The following AHCTF1 variants were observed in gnomAD, a reference collection of about 807,000 sequenced individuals.
The protein encoded by AHCTF1 is protein ELYS.
Under a neutral mutation model 248.4 loss-of-function variants are expected in AHCTF1, and 24 were observed. The ratio of observed to expected loss-of-function variants is 0.10; its 90% CI spans 0.07 to 0.14. The LOEUF is 0.14. AHCTF1 is among the 10% of genes least tolerant of loss of function. The pLI is 1.00. For synonymous variants in AHCTF1, 786 were observed against 929.8 expected, an observed-to-expected ratio of 0.85 and a Z score of 2.81; for missense variants, 2,206 against 2,636.2, an observed-to-expected ratio of 0.84 and a Z score of 3.57.
intron 15 of AHCTF1, 24 bp downstream of exon 15, chr1:246,891,755 C>G: frequency 6.2e-7 from 1 of 1,603,212 alleles, no homozygotes; most frequent in Non-Finnish European, 8.5e-7. Flanking sequence ...ATAAAACACT[C>G]ATTTGATAAA....
intron 1 of AHCTF1, among the ~76,000 whole-genome samples, chr1:246,918,751 C>T (rs1207321758): frequency 6.6e-6 from 1 of 152,240 alleles, no homozygotes; most frequent in East Asian, 1.9e-4. Flanking sequence ...GGAAAGTAAA[C>T]ATTCATTAAG....
intron 1 of AHCTF1, among the ~76,000 whole-genome samples, chr1:246,926,410 C>T (rs1229184254): frequency 6.6e-6 from 1 of 152,168 alleles, no homozygotes; most frequent in Non-Finnish European, 1.5e-5. Flanking sequence ...ACTTATTTCT[C>T]CAGACTTCAT....
At chr1:246,914,846 C>G (rs145641591) in intron 3 of AHCTF1, among the ~76,000 whole-genome samples, 70 of 152,310 alleles carry the variant, frequency 4.6e-4, no homozygotes, top group African/African-American at 1.5e-3. Context: ...TCCAAATGAT[C>G]AATGAGTGTC....
In AHCTF1 at chr1:246,890,013, A is replaced by C. The variant is rs1211673089; in HGVS notation, c.2097T>G (p.Ile699Met). 1 of 1,612,854 alleles carries C rather than the reference A, an allele frequency of 6.2e-7. No individual in the cohort carries two copies. The highest frequency in any genetic ancestry group is 8.5e-7 in the Non-Finnish European group (1 of 1,179,504). The stretch of plus-strand genomic sequence containing the variant: ...GTCGACGACTGGTGTAGTAGTTCTG[A>C]ATTACAGGGTAGTTGTAGCATAACC... Reference protein sequence around the residue: ...LSRLCYNYPVIQNYYTSRRQK... With the variant: ...LSRLCYNYPVMQNYYTSRRQK... The change falls in exon 17 of 36, where the codon ATT (isoleucine) becomes ATG (methionine). Residue 699 changes from isoleucine (I) to methionine (M), a missense_variant. Ile to Met is a conservative substitution (Grantham distance 10). Transcript: ENST00000648844.
chr1:246,931,400 C>A, intron 1 of AHCTF1, 178 bp downstream of exon 1: 2 of 1,500,002 alleles, frequency 1.3e-6, no homozygotes, highest in South Asian at 1.3e-5. Flanking sequence ...CCCGCCACCG[C>A]CACCGCTCGC....
intron 3 of AHCTF1, 37 bp downstream of exon 3, chr1:246,916,105 G>A: frequency 1.3e-6 from 2 of 1,587,822 alleles, no homozygotes; most frequent in Non-Finnish European, 1.7e-6. Flanking sequence ...GTTCAGTTTT[G>A]AAAGAGAAAT....
intron 20 of AHCTF1, among the ~76,000 whole-genome samples, 190 bp from the exon 21 acceptor site, chr1:246,885,870 A>AACT (rs1663782920): frequency 6.6e-6 from 1 of 152,208 alleles, no homozygotes; most frequent in Admixed American, 6.5e-5. Context: ...CTGCAGACTG[A>AACT]ACTAAGTGCA....
chr1:246,860,811 T>C (rs1173168420), intron 29 of AHCTF1, 88 bp downstream of exon 29: 11 of 1,511,038 alleles, frequency 7.3e-6, no homozygotes, highest in Non-Finnish European at 9.8e-6. Flanking sequence ...CTGGCTAGGA[T>C]GCTTTTCTTA....
intron 21 of AHCTF1, among the ~76,000 whole-genome samples, chr1:246,880,795 C>T (rs974057970): frequency 1.3e-5 from 2 of 152,242 alleles, no homozygotes; most frequent in Non-Finnish European, 1.5e-5. Context: ...CAACATTTAA[C>T]AAATGTTTTA....
intron 1 of AHCTF1, chr1:246,931,293 C>T: frequency 6.5e-7 from 1 of 1,547,930 alleles, no homozygotes; most frequent in Non-Finnish European, 8.7e-7. Context: ...ACTGCCGGCG[C>T]AGGACGCGAA....
chr1:246,906,572 A>AC (rs1311349752), intron 5 of AHCTF1, among the ~76,000 whole-genome samples: 1 of 152,000 alleles, frequency 6.6e-6, no homozygotes, highest in East Asian at 1.9e-4. Context: ...ACAGAGTGAG[A>AC]CCCCACCCCC....
chr1:246,860,955 C>T lies in AHCTF1; in HGVS notation c.4076G>A (p.Gly1359Glu). 3 of 1,613,584 alleles carry T rather than the reference C, an allele frequency of 1.9e-6. No homozygotes were observed. The highest frequency in any genetic ancestry group is 2.5e-6 in the Non-Finnish European group (3 of 1,179,532). Residue 1359 changes from glycine (G) to glutamate (E), a missense_variant, in exon 29 of 36, where the codon GGA (glycine) becomes GAA (glutamate). By Grantham distance (98) the Gly-to-Glu change is moderately conservative. Around this residue, in one of 6 missense-constraint regions of AHCTF1, gnomAD observed 955 missense variants for 1,055.6 expected, o/e 0.90. Coordinates refer to ENST00000648844, the MANE Select transcript of AHCTF1 (RefSeq NM_001323342.2). Reference protein sequence around the residue: ...TNVTEQTEKDGDKDVFASEVT... With the variant: ...TNVTEQTEKDEDKDVFASEVT... ...TTCTGATGCAAATACATCTTTATCT[C>T]CATCCTTTTCAGTTTGTTCAGTTAC...
chr1:246,871,004 C>T (rs989379105), intron 24 of AHCTF1, among the ~76,000 whole-genome samples: 6 of 152,200 alleles, frequency 3.9e-5, no homozygotes, highest in Admixed American at 2.6e-4. Flanking sequence ...AAAGTGACTG[C>T]GCTCCCACTG....
intron 21 of AHCTF1, among the ~76,000 whole-genome samples, chr1:246,879,435 A>G (rs1558242168): frequency 1.3e-5 from 2 of 152,224 alleles, no homozygotes; most frequent in African/African-American, 4.8e-5. Context: ...ATTTTATTCT[A>G]TAAATTGGCA....
Position 246,862,088 on chromosome 1 carries a change from G to C in AHCTF1, c.3606C>G (p.Ile1202Met). Residue 1202 changes from isoleucine (I) to methionine (M), a missense_variant, in exon 28 of 36, where the codon ATC becomes ATG. Ile to Met is a conservative substitution (Grantham distance 10, BLOSUM62 1). Around this residue, in one of 6 missense-constraint regions of AHCTF1, gnomAD observed 955 missense variants for 1,055.6 expected, o/e 0.90. Transcript: ENST00000648844. Reference sequence around the variant, plus strand: ...GTGTTGATCGAAGAGTAGACCTCAGGATGGACTGAGGAGTGAACTCAGAAA... The same window carrying C: ...GTGTTGATCGAAGAGTAGACCTCAGCATGGACTGAGGAGTGAACTCAGAAA... Reference protein sequence around the residue: ...SGFSEFTPQSILRSTLRSTPL... With the variant: ...SGFSEFTPQSMLRSTLRSTPL... 3 of 1,611,192 alleles carry C rather than the reference G, an allele frequency of 1.9e-6. No homozygotes were observed. Among genetic ancestry groups the C allele is most frequent in the Non-Finnish European group, 1.7e-6 (2 of 1,177,684 alleles).
intron 26 of AHCTF1, among the ~76,000 whole-genome samples, chr1:246,865,993 A>G (rs1425073367): frequency 6.6e-6 from 1 of 152,132 alleles, no homozygotes; most frequent in South Asian, 2.1e-4. Flanking sequence ...AATGCATCCT[A>G]TATCACATAA....
At chr1:246,876,216 T>G (rs1258294007) in intron 23 of AHCTF1, 29 bp from the exon 24 acceptor site, 1 of 1,530,316 alleles carries the variant, frequency 6.5e-7, no homozygotes, top group South Asian at 1.3e-5. Flanking sequence ...GGTAAAAAAT[T>G]TAACCTTCAA....
chr1:246,912,515 C>G (rs1352229682), intron 4 of AHCTF1, among the ~76,000 whole-genome samples: 6 of 151,226 alleles, frequency 4.0e-5, no homozygotes, highest in African/African-American at 7.3e-5. Context: ...AACGTCCTCA[C>G]AAAGCCAAAG....
At chr1:246,918,796 T>C (rs1358323466) in intron 1 of AHCTF1, among the ~76,000 whole-genome samples, 1 of 152,244 alleles carries the variant, frequency 6.6e-6, no homozygotes, top group African/African-American at 2.4e-5. Flanking sequence ...ATTCCCTAGA[T>C]TCTTTAAACA....
Sources: gnomAD v4.1 joint callset for allele counts (sites outside exome capture counted in the v4.1 genomes callset) on GRCh38, gnomAD v4.1.1 for gene constraint, gnomAD v4.1.1 regional missense constraint, MANE v1.5 for transcripts, NCBI Gene and HGNC (gene_info 2026-07-23, HGNC 2026-07-21) for gene names.